The following ADGRL3 variants were observed in gnomAD, a reference collection of about 807,000 sequenced individuals.
ADGRL3 encodes calcium-independent alpha-latrotoxin receptor 3.
In ADGRL3, 62 loss-of-function variants were observed where a neutral mutation model predicts 153.5. That is an observed-to-expected ratio of 0.40 (90% CI 0.33 to 0.50). The LOEUF (loss-of-function observed/expected upper bound fraction) is 0.50. ADGRL3 is among the 20% of genes least tolerant of loss of function. The pLI is 0.47. For synonymous variants in ADGRL3, 710 were observed against 672.5 expected, an observed-to-expected ratio of 1.06 and a Z score of -0.86; for missense variants, 1,641 against 1,859.4, an observed-to-expected ratio of 0.88 and a Z score of 2.16.
chr4:61,409,044 C>T (rs903383634), intron 2 of ADGRL3, among the ~76,000 whole-genome samples: 1 of 151,278 alleles, frequency 6.6e-6, no homozygotes, highest in African/African-American at 2.4e-5. Flanking sequence ...AGTTACAATA[C>T]TTGCATATTC....
At chr4:61,685,632 G>T (rs550820516) in intron 6 of ADGRL3, among the ~76,000 whole-genome samples, 35 of 152,174 alleles carry the variant, frequency 2.3e-4, no homozygotes, top group African/African-American at 8.4e-4. Flanking sequence ...GCCTGTTCTC[G>T]TAAGTGGTAG....
At chr4:61,243,057 G>A (rs1755650141) in intron 1 of ADGRL3, among the ~76,000 whole-genome samples, 1 of 151,890 alleles carries the variant, frequency 6.6e-6, no homozygotes, top group South Asian at 2.1e-4. Flanking sequence ...TTTCAACATG[G>A]GAATCAATTA....
At chr4:61,900,301 G>GT (rs1000023428) in intron 11 of ADGRL3, among the ~76,000 whole-genome samples, 15 of 151,144 alleles carry the variant, frequency 9.9e-5, no homozygotes, top group South Asian at 4.2e-4. Flanking sequence ...CATGAATTAT[G>GT]TTTTTTTTTC....
chr4:61,979,313 G>A (rs1016035519), intron 17 of ADGRL3, among the ~76,000 whole-genome samples: 1 of 152,292 alleles, frequency 6.6e-6, no homozygotes, highest in African/African-American at 2.4e-5. Context: ...TTCTGAAAAT[G>A]CTTGTAGCTA....
At chr4:61,579,551 T>A (rs2098914487) in intron 4 of ADGRL3, 2 of 498,480 alleles carry the variant, frequency 4.0e-6, no homozygotes, top group South Asian at 3.0e-5. Flanking sequence ...GGTAGACGAT[T>A]TCATTTGAAG....
At chr4:62,047,873 A>T (rs556380423) in intron 25 of ADGRL3, among the ~76,000 whole-genome samples, 1 of 152,274 alleles carries the variant, frequency 6.6e-6, no homozygotes, top group South Asian at 2.1e-4. Flanking sequence ...AGTTAACTTT[A>T]GCGATCCAAC....
intron 21 of ADGRL3, among the ~76,000 whole-genome samples, chr4:62,011,058 T>C (rs902359298): frequency 9.9e-5 from 15 of 152,136 alleles, no homozygotes; most frequent in African/African-American, 3.6e-4. Context: ...TTATTTATTT[T>C]AGCGTAGTTT....
intron 9 of ADGRL3, among the ~76,000 whole-genome samples, chr4:61,871,742 T>C (rs2098446769): frequency 6.6e-6 from 1 of 152,100 alleles, no homozygotes; most frequent in African/African-American, 2.4e-5. Context: ...TACACTTAGG[T>C]AGCTGAATTA....
Position 61,469,035 on chromosome 4 carries a change from TC to T in ADGRL3, c.-173-28085del, listed in dbSNP as rs1347183427. On this transcript the variant is annotated intron_variant, in intron 2 of 26. Transcript: ENST00000683033. ...ACTTGTCTGGGTTTAGTCATATGAC[TC>T]TTTCCCAGCTCCAGGAACCATTAGA... Among the ~76,000 whole-genome samples, 9 of 152,230 alleles carry T rather than the reference TC, an allele frequency of 5.9e-5. No individual in the cohort carries two copies. In the South Asian group the frequency reaches 8.3e-4, roughly 14 times the overall value.
intron 5 of ADGRL3, among the ~76,000 whole-genome samples, chr4:61,662,197 A>G (rs938352790): frequency 6.6e-6 from 1 of 152,168 alleles, no homozygotes; most frequent in Admixed American, 6.5e-5. Flanking sequence ...CCTCCCAGCC[A>G]TGGCTCTAGA....
chr4:61,443,313 T>C (rs757752352), intron 2 of ADGRL3, among the ~76,000 whole-genome samples: 6 of 152,170 alleles, frequency 3.9e-5, no homozygotes, highest in Non-Finnish European at 8.8e-5. Context: ...GAAGAATATT[T>C]CAGTGCTGTT....
chr4:62,031,975 A>T (rs1259400266), intron 23 of ADGRL3, among the ~76,000 whole-genome samples: 1 of 137,844 alleles, frequency 7.3e-6, no homozygotes, highest in Non-Finnish European at 1.7e-5. Context: ...ACACACACAC[A>T]CACACACACA....
chr4:61,473,643 T>C (rs969523462), intron 2 of ADGRL3, among the ~76,000 whole-genome samples: 7 of 152,064 alleles, frequency 4.6e-5, no homozygotes, highest in Non-Finnish European at 8.8e-5. Flanking sequence ...GAGTTTATAA[T>C]AGGAAGTGAG....
intron 5 of ADGRL3, among the ~76,000 whole-genome samples, chr4:61,587,798 G>T (rs545746749): frequency 6.6e-6 from 1 of 151,890 alleles, no homozygotes; most frequent in South Asian, 2.1e-4. Flanking sequence ...TTATTTTACT[G>T]CTAACAATAA....
At chr4:61,387,200 G>A (rs35524941) in intron 2 of ADGRL3, among the ~76,000 whole-genome samples, 8,827 of 152,170 alleles carry the variant, frequency 0.058, 307 homozygotes, top group South Asian at 0.16. Flanking sequence ...AAAAGGGAAG[G>A]GAGTGTGCGA....
intron 1 of ADGRL3, among the ~76,000 whole-genome samples, chr4:61,258,393 G>T (rs1397008574): frequency 6.6e-6 from 1 of 152,118 alleles, no homozygotes; most frequent in African/African-American, 2.4e-5. Flanking sequence ...TTGCAATGTG[G>T]TTCATGAAGC....
chr4:61,552,921 A>G (rs559300025), intron 4 of ADGRL3, among the ~76,000 whole-genome samples: 1 of 152,240 alleles, frequency 6.6e-6, no homozygotes, highest in East Asian at 1.9e-4. Context: ...GGTCTATTCC[A>G]TAAATATTTA....
chr4:61,805,174 C>A (rs1328299178), intron 8 of ADGRL3, among the ~76,000 whole-genome samples: 4 of 151,914 alleles, frequency 2.6e-5, no homozygotes, highest in Non-Finnish European at 5.9e-5. Flanking sequence ...GATCTCCTGA[C>A]CTCGTGATCC....
intron 21 of ADGRL3, among the ~76,000 whole-genome samples, chr4:62,012,471 G>T (rs2099191205): frequency 6.6e-6 from 1 of 152,160 alleles, no homozygotes; most frequent in Non-Finnish European, 1.5e-5. Context: ...TGAGGTTTCT[G>T]AGAGGTTAAT....
Sources: gnomAD v4.1 joint callset for allele counts (sites outside exome capture counted in the v4.1 genomes callset) on GRCh38, gnomAD v4.1.1 for gene constraint, MANE v1.5 for transcripts, NCBI Gene and HGNC (gene_info 2026-07-23, HGNC 2026-07-21) for gene names.